PCDHA13: variants seen among roughly 807,000 people sequenced by gnomAD.
PCDHA13 encodes the protein protocadherin alpha-13.
PCDHA13 carries 54 observed loss-of-function variants against 64.8 expected under a neutral mutation model. The ratio of observed to expected loss-of-function variants is 0.83; its 90% CI spans 0.67 to 1.04. PCDHA13 has a LOEUF of 1.04. PCDHA13 is among the 50% of genes least tolerant of loss of function. PCDHA13 has a pLI of 0.00. For synonymous variants in PCDHA13, 587 were observed against 564.4 expected (o/e 1.04, Z -0.57); for missense variants, 1,248 against 1,254.3 (o/e 0.99, Z 0.08).
chr5:141,009,791 CCTA>C lies in PCDHA13; in HGVS notation c.2711_2713del (p.Thr904del), dbSNP rs2098414479. 1.2e-6 allele frequency: 2 copies of C among 1,613,966 alleles called. No homozygotes were observed. Among genetic ancestry groups the C allele is most frequent in the African/African-American group, 2.7e-5 (2 of 74,882 alleles). On this transcript the variant is annotated inframe_deletion, in exon 4 of 4. Coordinates refer to ENST00000289272, the MANE Select transcript of PCDHA13 (RefSeq NM_018904.3). ...TGCAATCATCTCCATCCGGCAGGAGCCTACTAACAGCCAAATTGACAAAAGTGA... is the reference window on the plus strand; with the variant it reads ...TGCAATCATCTCCATCCGGCAGGAGCCTAACAGCCAAATTGACAAAAGTGA...
intron 1 of PCDHA13, among the ~76,000 whole-genome samples, chr5:140,971,016 A>G (rs1554232958): frequency 6.6e-6 from 1 of 152,208 alleles, no homozygotes; most frequent in African/African-American, 2.4e-5. Flanking sequence ...AAGTCTTTAG[A>G]TCGTAGCATT....
chr5:140,958,204 G>T (rs2095413529), intron 1 of PCDHA13, among the ~76,000 whole-genome samples: 2 of 152,042 alleles, frequency 1.3e-5, no homozygotes, highest in South Asian at 2.1e-4. Flanking sequence ...AGTATACAAG[G>T]GAATTAGATT....
intron 1 of PCDHA13, chr5:140,969,117 A>C (rs1554231477): frequency 6.2e-7 from 1 of 1,614,178 alleles, no homozygotes; most frequent in Admixed American, 1.7e-5. Flanking sequence ...GTTCGAGGGA[A>C]TGGCTCCCTC....
chr5:140,969,351 G>A (rs1554231714), intron 1 of PCDHA13: 1 of 1,612,990 alleles, frequency 6.2e-7, no homozygotes, highest in Non-Finnish European at 8.5e-7. Flanking sequence ...TGGTCAGGGG[G>A]TCTTCTACAA....
intron 1 of PCDHA13, among the ~76,000 whole-genome samples, chr5:140,975,280 T>G (rs914764307): frequency 5.3e-5 from 8 of 152,252 alleles, no homozygotes; most frequent in Admixed American, 3.9e-4. Context: ...CTCTGACCTC[T>G]AGACCCAGAT....
chr5:140,989,948 C>T (rs1046056940), intron 3 of PCDHA13, among the ~76,000 whole-genome samples: 2 of 151,988 alleles, frequency 1.3e-5, no homozygotes, highest in Admixed American at 6.6e-5. Context: ...ACGTTTTTCT[C>T]GGTGAGACCA....
chr5:140,993,256 A>C lies in PCDHA13; in HGVS notation c.2542+10693A>C, dbSNP rs1419636248. Among the ~76,000 whole-genome samples, 3 of 152,148 alleles carry C rather than the reference A, an allele frequency of 2.0e-5. No homozygotes were observed. In the East Asian group the frequency reaches 5.8e-4, roughly 29 times the overall value. On this transcript the variant is annotated intron_variant, in intron 3 of 3. Coordinates refer to ENST00000289272, the MANE Select transcript of PCDHA13 (RefSeq NM_018904.3). The stretch of plus-strand genomic sequence containing the variant: ...CTGAATCTGGGGATTTAGATATATA[A>C]ATTAGCTTCTTTGGTCTTTTCTTGC...
intron 1 of PCDHA13, chr5:140,927,163 GC>G: frequency 6.2e-7 from 1 of 1,614,176 alleles, no homozygotes; most frequent in East Asian, 2.2e-5. Flanking sequence ...CAGGGCCAAA[GC>G]TGCCTGCGTC....
intron 1 of PCDHA13, among the ~76,000 whole-genome samples, chr5:140,916,356 G>A (rs2077538770): frequency 6.6e-6 from 1 of 152,202 alleles, no homozygotes; most frequent in Admixed American, 6.5e-5. Context: ...TCAAACAGAA[G>A]GAGTCTTTCA....
intron 1 of PCDHA13, among the ~76,000 whole-genome samples, chr5:140,950,973 T>C (rs1381300164): frequency 3.3e-5 from 5 of 152,244 alleles, no homozygotes; most frequent in Middle Eastern, 3.4e-3. Flanking sequence ...TTCAGATTCA[T>C]TGACTTTTGC....
chr5:140,943,888 T>A (rs567966075), intron 1 of PCDHA13, among the ~76,000 whole-genome samples: 1 of 152,330 alleles, frequency 6.6e-6, no homozygotes, highest in South Asian at 2.1e-4. Context: ...ATTGGACTGG[T>A]CATTATGATG....
At chr5:140,926,713 C>G (rs1018008271) in intron 1 of PCDHA13, 16 of 944,684 alleles carry the variant, frequency 1.7e-5, no homozygotes, top group Non-Finnish European at 2.3e-5. Flanking sequence ...CTGGCCAGCC[C>G]CGGCAATGCC....
intron 1 of PCDHA13, among the ~76,000 whole-genome samples, chr5:140,915,602 C>T (rs1298727977): frequency 6.6e-6 from 1 of 151,066 alleles, no homozygotes; most frequent in Non-Finnish European, 1.5e-5. Context: ...TTTTCCCTTA[C>T]TTTCTGTCAA....
In PCDHA13 at chr5:140,883,690, C is replaced by T. The variant is rs1313254041; in HGVS notation, c.1422C>T (p.Ile474=). The change falls in exon 1 of 4, where the codon ATC becomes ATT. Residue 474 remains isoleucine, a synonymous_variant. Transcript: ENST00000289272. ...AAAACAATCCGCCGGGCTGCCACAT[C>T]TTCACGGTGTCTGCTCAGGACGCGG... ...VKENNPPGCH[I]FTVSAQDADA... The T allele has an allele frequency of 6.2e-7, 1 of 1,613,870 alleles. No homozygotes were observed. Among genetic ancestry groups the T allele is most frequent in the Non-Finnish European group, 8.5e-7 (1 of 1,179,898 alleles).
chr5:140,966,665 G>A, intron 1 of PCDHA13: 1 of 1,258,258 alleles, frequency 7.9e-7, no homozygotes. Flanking sequence ...GGGGGAGCAG[G>A]CGCAGGGTGG....
intron 1 of PCDHA13, chr5:140,966,342 T>G: frequency 2.5e-6 from 1 of 395,470 alleles, no homozygotes; most frequent in Non-Finnish European, 4.4e-6. Flanking sequence ...AGGTCCAGGG[T>G]GAAGGAGATG....
At chr5:140,922,577 T>C (rs155818) in intron 1 of PCDHA13, among the ~76,000 whole-genome samples, 48,013 of 152,060 alleles carry the variant, frequency 0.32, 7,938 homozygotes, top group East Asian at 0.53. Flanking sequence ...AGTTGCCCTG[T>C]AGCCGCCAGT....
rs1360744073 is a variant in PCDHA13 at position 140,884,123 on chromosome 5, C to A, written c.1855C>A (p.Arg619Ser). The A allele has an allele frequency of 2.5e-6, 4 of 1,613,232 alleles. No individual in the cohort carries two copies. The highest frequency in any genetic ancestry group is 3.4e-6 in the Non-Finnish European group (4 of 1,179,750). ...ATTGCAGCTGGCGGCGGTCGGCGCG[C>A]GCATCCCGTTCCGCGTGGGGCTGTA... Reference protein sequence around the residue: ...YELQLAAVGARIPFRVGLYTG... With the variant: ...YELQLAAVGASIPFRVGLYTG... Residue 619 changes from arginine (R) to serine (S), a missense_variant, in exon 1 of 4, where the codon CGC becomes AGC. Arg to Ser is a moderately radical substitution (Grantham distance 110). Transcript: ENST00000289272.
At position 140,883,581 on chromosome 5, in the gene PCDHA13, C is replaced by T. The variant is rs144119560; in HGVS notation, c.1313C>T (p.Thr438Met). The stretch of plus-strand genomic sequence containing the variant: ...GGGGGCTCGCCTTCGCTGTGGGCCA[C>T]GGCCAGCGTGTCGGTGGGGGTGGCC... ...RDGGSPSLWA[T>M]ASVSVGVADV... The change falls in exon 1 of 4, where the codon ACG becomes ATG. Residue 438 changes from threonine (T) to methionine (M), a missense_variant. By Grantham distance (81) the Thr-to-Met change is moderately conservative. Transcript: ENST00000289272. 6.2e-7 allele frequency: 1 copy of T among 1,614,018 alleles called. No homozygotes were observed. The highest frequency in any genetic ancestry group is 8.5e-7 in the Non-Finnish European group (1 of 1,179,948).
Sources: gnomAD v4.1 joint callset for allele counts (sites outside exome capture counted in the v4.1 genomes callset) on GRCh38, gnomAD v4.1.1 for gene constraint, MANE v1.5 for transcripts, NCBI Gene and HGNC (gene_info 2026-07-23, HGNC 2026-07-21) for gene names.